Variants in PTPRD observed in about 807,000 individuals in gnomAD.
The protein encoded by PTPRD is protein tyrosine phosphatase receptor type D, also known as receptor-type tyrosine-protein phosphatase delta.
In PTPRD, 34 loss-of-function variants were observed where a neutral mutation model predicts 214.5. That is an observed-to-expected ratio of 0.16 (90% confidence interval 0.12 to 0.21). The LOEUF (loss-of-function observed/expected upper bound fraction) is 0.21, where lower values mean the gene tolerates loss of function less well. PTPRD is among the 10% of genes least tolerant of loss of function. The pLI is 1.00. For missense variants in PTPRD, 2,545 were observed against 2,398.7 expected (o/e 1.06, Z -1.27); for synonymous variants, 1,128 against 845.7 (o/e 1.33, Z -5.79).
intron 11 of PTPRD, among the ~76,000 whole-genome samples, chr9:8,926,412 G>A (rs1375457967): frequency 6.6e-6 from 1 of 152,080 alleles, no homozygotes; most frequent in Admixed American, 6.6e-5. Flanking sequence ...CACTGTGATA[G>A]CATTTTAGTA....
intron 11 of PTPRD, among the ~76,000 whole-genome samples, chr9:8,784,755 C>T (rs1208544956): frequency 3.3e-5 from 5 of 152,192 alleles, no homozygotes; most frequent in East Asian, 1.9e-4. Context: ...AACATCCCCC[C>T]TGTATCTTAA....
intron 9 of PTPRD, among the ~76,000 whole-genome samples, chr9:9,352,320 T>C (rs9407421): frequency 2.9e-5 from 3 of 101,974 alleles, no homozygotes; most frequent in African/African-American, 1.0e-4. Context: ...CATATATATA[T>C]ATATATATGT....
chr9:10,536,460 C>T lies in PTPRD; in HGVS notation c.-600+75938G>A, dbSNP rs773360372. Among the ~76,000 whole-genome samples, 226 of 152,224 alleles carry T rather than the reference C, an allele frequency of 1.5e-3. 1 individual carries two copies. Among genetic ancestry groups the T allele is most frequent in the Non-Finnish European group, 1.1e-3 (74 of 68,004 alleles). ...AGGTTAAAATCTAGACTAATCCATA[C>T]ATTTATTATTTTCATGTTTATGAGA... On this transcript the variant is annotated intron_variant, in intron 2 of 45. Transcript: ENST00000381196.
intron 14 of PTPRD, among the ~76,000 whole-genome samples, chr9:8,592,437 G>A (rs1030255527): frequency 3.3e-5 from 5 of 152,242 alleles, no homozygotes; most frequent in Non-Finnish European, 5.9e-5. Flanking sequence ...GTAACTGCTT[G>A]CCACTGACAT....
At chr9:9,447,752 C>T (rs1320242849) in intron 8 of PTPRD, among the ~76,000 whole-genome samples, 1 of 152,044 alleles carries the variant, frequency 6.6e-6, no homozygotes, top group South Asian at 2.1e-4. Context: ...CTATGGGGTG[C>T]TAGGGTACCT....
intron 23 of PTPRD, among the ~76,000 whole-genome samples, chr9:8,502,446 C>T (rs1394356991): frequency 6.6e-6 from 1 of 151,956 alleles, no homozygotes; most frequent in South Asian, 2.1e-4. Context: ...TCTTAATGTA[C>T]GTGCCTTGTG....
At chr9:8,941,409 A>ATG (rs1009455300) in intron 11 of PTPRD, among the ~76,000 whole-genome samples, 6 of 152,040 alleles carry the variant, frequency 3.9e-5, no homozygotes, top group Admixed American at 1.3e-4. Flanking sequence ...TTTATAACAT[A>ATG]TGTGTGTGTG....
intron 9 of PTPRD, among the ~76,000 whole-genome samples, chr9:9,360,492 A>T (rs2055673722): frequency 6.6e-6 from 1 of 151,174 alleles, no homozygotes; most frequent in Admixed American, 6.6e-5. Flanking sequence ...TAAGTTTGTG[A>T]CAAGGTCTAT....
At chr9:8,997,551 C>A (rs1045568616) in intron 11 of PTPRD, among the ~76,000 whole-genome samples, 1 of 152,024 alleles carries the variant, frequency 6.6e-6, no homozygotes, top group Non-Finnish European at 1.5e-5. Context: ...CTCCACCAAC[C>A]GGCCATTCTC....
chr9:10,165,129 C>T (rs757368760), intron 3 of PTPRD, among the ~76,000 whole-genome samples: 1 of 151,616 alleles, frequency 6.6e-6, no homozygotes. Context: ...TCAGCAATCT[C>T]GATGGAATAG....
intron 11 of PTPRD, among the ~76,000 whole-genome samples, chr9:8,831,176 C>T (rs920614556): frequency 2.0e-5 from 3 of 152,036 alleles, no homozygotes; most frequent in Admixed American, 6.6e-5. Context: ...GGGAGGGTTG[C>T]GGAATGGTTT....
intron 3 of PTPRD, among the ~76,000 whole-genome samples, chr9:10,190,680 T>C (rs1253403906): frequency 7.6e-6 from 1 of 131,602 alleles, no homozygotes; most frequent in African/African-American, 3.0e-5. Context: ...ATCATGCCAT[T>C]GCACTCCAGC....
chr9:9,212,587 A>G (rs987284169), intron 9 of PTPRD, among the ~76,000 whole-genome samples: 13 of 152,336 alleles, frequency 8.5e-5, no homozygotes, highest in African/African-American at 2.2e-4. Context: ...CTACACAGCC[A>G]GTCAATAGAA....
intron 34 of PTPRD, among the ~76,000 whole-genome samples, chr9:8,439,604 C>A (rs147980492): frequency 6.6e-6 from 1 of 151,954 alleles, no homozygotes; most frequent in African/African-American, 2.4e-5. Context: ...GACCGAATGT[C>A]GGCATAAAAA....
rs184043408 is a variant in PTPRD, at chr9:10,072,371, C to T, written c.-544-38581G>A. Among the ~76,000 whole-genome samples the T allele has an allele frequency of 1.6e-4, 24 of 152,120 alleles. No homozygotes were observed. In the East Asian group the frequency reaches 3.1e-3, roughly 20 times the overall value. On this transcript the variant is annotated intron_variant, in intron 3 of 45. Coordinates refer to ENST00000381196, the MANE Select transcript of PTPRD (RefSeq NM_002839.4). ...TAGTGTGTCCAGAGTTGGTTCCTTC[C>T]AGTGGGTTCGTGATCTTGCCGACTT...
chr9:9,843,136 C>A (rs1366589434), intron 5 of PTPRD, among the ~76,000 whole-genome samples: 4 of 151,982 alleles, frequency 2.6e-5, no homozygotes, highest in Non-Finnish European at 5.9e-5. Context: ...ACAACAGAAA[C>A]CTTATGGCTT....
chr9:8,456,941 A>G (rs1486528453), intron 33 of PTPRD, among the ~76,000 whole-genome samples: 2 of 152,128 alleles, frequency 1.3e-5, no homozygotes, highest in Admixed American at 6.6e-5. Flanking sequence ...TTATTTTTAA[A>G]TGTTTATTTT....
intron 2 of PTPRD, among the ~76,000 whole-genome samples, chr9:10,378,583 C>T (rs185786419): frequency 6.6e-6 from 1 of 152,078 alleles, no homozygotes; most frequent in African/African-American, 2.4e-5. Flanking sequence ...TGTCTTTCCC[C>T]TCAGTATGTT....
At chr9:8,934,433 AT>A (rs1567097282) in intron 11 of PTPRD, among the ~76,000 whole-genome samples, 3 of 41,748 alleles carry the variant, frequency 7.2e-5, no homozygotes, top group African/African-American at 3.5e-4. Flanking sequence ...ATATATATAT[AT>A]AAATATATAT....
Sources: allele counts gnomAD v4.1 joint callset (sites outside exome capture counted in the v4.1 genomes callset), GRCh38; gene constraint gnomAD v4.1.1; transcripts MANE v1.5; gene names NCBI Gene and HGNC (gene_info 2026-07-23, HGNC 2026-07-21).